ACACA: variants seen among roughly 807,000 people sequenced by gnomAD.
The protein encoded by ACACA is acetyl-CoA carboxylase 1.
Under a neutral mutation model 296.1 loss-of-function variants are expected in ACACA, and 103 were observed. That is an observed-to-expected ratio of 0.35 (90% CI 0.30 to 0.41). The LOEUF is 0.41. Ranked by LOEUF, ACACA falls within the 10% of genes least tolerant of loss-of-function variation. The pLI is 1.00. For missense variants in ACACA, 1,554 were observed against 2,989.7 expected (o/e 0.52, Z 11.20); for synonymous variants, 953 against 1,038.6 (o/e 0.92, Z 1.58).
Position 37,162,026 on chromosome 17 carries a change from T to G in ACACA, c.5104A>C (p.Thr1702Pro). 6 of 1,614,164 alleles carry G rather than the reference T, an allele frequency of 3.7e-6. No individual in the cohort carries two copies. Among genetic ancestry groups the G allele is most frequent in the Non-Finnish European group, 5.1e-6 (6 of 1,180,018 alleles). The change falls in exon 42 of 56, where the codon ACC (threonine) becomes CCC (proline). Residue 1702 changes from threonine (T) to proline (P), a missense_variant. Thr to Pro is a conservative substitution (Grantham distance 38, BLOSUM62 -1). This residue lies in a region of ACACA where 553 missense variants were observed against 1,043.6 expected (regional missense o/e 0.53). Transcript: ENST00000616317. ...NEIGMVAWKM[T>P]FKSPEYPEGR... Reference sequence around the variant, plus strand: ...TCTGGATATTCAGGACTTTTAAAGGTCATTTTCCAAGCTACCATGCCAATC... The same window carrying G: ...TCTGGATATTCAGGACTTTTAAAGGGCATTTTCCAAGCTACCATGCCAATC...
chr17:37,358,475 GGC>G (rs1268643507), intron 1 of ACACA, among the ~76,000 whole-genome samples: 152 of 152,304 alleles, frequency 1.0e-3, no homozygotes, highest in African/African-American at 3.5e-3. Flanking sequence ...GCCTGGCCCT[GGC>G]TCTCGCCACG....
intron 3 of ACACA, among the ~76,000 whole-genome samples, chr17:37,293,684 G>A (rs1275239012): frequency 1.3e-5 from 2 of 151,794 alleles, no homozygotes; most frequent in African/African-American, 4.8e-5. Flanking sequence ...TGGGATTACA[G>A]GCACACACCA....
At chr17:37,122,809 A>G (rs1352636248) in intron 48 of ACACA, 182 bp from the exon 49 acceptor site, 1 of 679,710 alleles carries the variant, frequency 1.5e-6, no homozygotes, top group Non-Finnish European at 2.7e-6. Context: ...TACTCTCTAA[A>G]TATGGTGGGA....
rs1477057198 is a variant in ACACA, at chr17:37,087,078, C to A, written c.*238G>T. 4.9e-6 allele frequency: 3 copies of A among 613,274 alleles called. No homozygotes were observed. The highest frequency in any genetic ancestry group is 8.7e-6 in the Non-Finnish European group (3 of 344,112). 38.0% of individuals were successfully genotyped at this position (613,274 alleles called of 1,614,324 possible). A position where few individuals can be genotyped will look rare whatever the true frequency, so the allele number is the denominator to read the frequency against. ...TCAGTCCTGTGCAGGGAGTGGAGGACTAGGCCTGGCCAGGGTAATAAATAC... is the reference window on the plus strand; with the variant it reads ...TCAGTCCTGTGCAGGGAGTGGAGGAATAGGCCTGGCCAGGGTAATAAATAC... On this transcript the variant is annotated 3_prime_UTR_variant, in exon 56 of 56. Transcript: ENST00000616317.
intron 3 of ACACA, among the ~76,000 whole-genome samples, chr17:37,298,740 A>C (rs898249145): frequency 6.6e-6 from 1 of 152,080 alleles, no homozygotes; most frequent in Non-Finnish European, 1.5e-5. Context: ...AGAAGGCCTG[A>C]CTCATTTCCT....
At chr17:37,321,357 G>A (rs1309199595) in intron 3 of ACACA, among the ~76,000 whole-genome samples, 4 of 152,156 alleles carry the variant, frequency 2.6e-5, no homozygotes, top group Non-Finnish European at 5.9e-5. Context: ...GGGCGTGGTG[G>A]CTCACACCTG....
At chr17:37,390,366 C>T (rs1237211784) in intron 1 of ACACA, among the ~76,000 whole-genome samples, 3 of 109,504 alleles carry the variant, frequency 2.7e-5, no homozygotes, top group Non-Finnish European at 5.2e-5. Flanking sequence ...CGGTGGCTCA[C>T]GCCTGTAATC....
At chr17:37,359,677 C>T (rs1034845103) in intron 1 of ACACA, among the ~76,000 whole-genome samples, 2 of 152,054 alleles carry the variant, frequency 1.3e-5, no homozygotes, top group African/African-American at 4.8e-5. Flanking sequence ...AGGCGGTGTG[C>T]GGGCCCGTTT....
intron 44 of ACACA, among the ~76,000 whole-genome samples, chr17:37,150,985 G>A (rs1212341467): frequency 6.6e-6 from 1 of 151,902 alleles, no homozygotes; most frequent in Non-Finnish European, 1.5e-5. Flanking sequence ...ACGGGAGGCG[G>A]AGGTTGCAGT....
intron 35 of ACACA, among the ~76,000 whole-genome samples, chr17:37,194,155 C>T (rs1171562832): frequency 2.0e-5 from 3 of 151,918 alleles, no homozygotes; most frequent in South Asian, 2.1e-4. Context: ...CCCTGTTTCT[C>T]GGATGGGAAG....
At chr17:37,268,029 T>C (rs996897556) in intron 10 of ACACA, among the ~76,000 whole-genome samples, 1 of 152,220 alleles carries the variant, frequency 6.6e-6, no homozygotes, top group Non-Finnish European at 1.5e-5. Context: ...TTTTCAGTTC[T>C]AGAACTTTTG....
At chr17:37,280,633 T>C (rs1252450027) in intron 5 of ACACA, among the ~76,000 whole-genome samples, 3 of 152,050 alleles carry the variant, frequency 2.0e-5, no homozygotes, top group African/African-American at 7.2e-5. Context: ...GTTAAGAATA[T>C]AGATGAAACT....
In ACACA at chr17:37,096,990, A is replaced by C; in HGVS notation, c.6891+6T>G. On this transcript the variant is annotated splice_donor_region_variant and intron_variant, in intron 54 of 55. Coordinates refer to ENST00000616317, the MANE Select transcript of ACACA (RefSeq NM_198834.3). The stretch of plus-strand genomic sequence containing the variant: ...AAAAAGGCTTCTCTTTGAGTGTCCC[A>C]CCTACCTTCACTGTTCCTTCCACTT... 6.2e-7 allele frequency: 1 copy of C among 1,613,994 alleles called. No homozygotes were observed. The highest frequency in any genetic ancestry group is 8.5e-7 in the Non-Finnish European group (1 of 1,180,024).
intron 50 of ACACA, among the ~76,000 whole-genome samples, chr17:37,115,414 A>G (rs1463576624): frequency 6.6e-6 from 1 of 152,206 alleles, no homozygotes; most frequent in Non-Finnish European, 1.5e-5. Context: ...GTGTCCCTCA[A>G]TGATATCATA....
rs12939415 is a variant in ACACA, at chr17:37,133,736, T to C, written c.5680-3518A>G. The stretch of plus-strand genomic sequence containing the variant: ...TATTCCTCTTACATTCTACTTACTG[T>C]ATGATACAAACTTTTAATTTATCTG... On this transcript the variant is annotated intron_variant, in intron 45 of 55. Coordinates refer to ENST00000616317, the MANE Select transcript of ACACA (RefSeq NM_198834.3). Among the ~76,000 whole-genome samples, 30 of 152,352 alleles carry C rather than the reference T, an allele frequency of 2.0e-4. No individual in the cohort carries two copies. The Middle Eastern group carries it at 0.01, about 52-fold the overall frequency.
At chr17:37,362,023 G>T (rs2049421926) in intron 1 of ACACA, among the ~76,000 whole-genome samples, 1 of 152,136 alleles carries the variant, frequency 6.6e-6, no homozygotes, top group African/African-American at 2.4e-5. Flanking sequence ...AGGTCATAAG[G>T]GTGGGCCCTA....
At chr17:37,321,783 CA>C (rs1466632755) in intron 3 of ACACA, among the ~76,000 whole-genome samples, 1 of 148,190 alleles carries the variant, frequency 6.7e-6, no homozygotes, top group Non-Finnish European at 1.5e-5. Context: ...AAAAAAAATA[CA>C]AATACAAAAA....
chr17:37,153,496 C>T (rs1288940660), intron 43 of ACACA, among the ~76,000 whole-genome samples: 1 of 152,140 alleles, frequency 6.6e-6, no homozygotes, highest in Non-Finnish European at 1.5e-5. Context: ...CCTGTCTTTG[C>T]AAGCTAGATT....
At chr17:37,172,042 G>C (rs1372196794) in intron 41 of ACACA, among the ~76,000 whole-genome samples, 4 of 152,134 alleles carry the variant, frequency 2.6e-5, no homozygotes. Flanking sequence ...GGTGTCATCT[G>C]TTGCTGTCCT....
Sources: allele counts gnomAD v4.1 joint callset (sites outside exome capture counted in the v4.1 genomes callset), GRCh38; gene constraint gnomAD v4.1.1; regional missense constraint gnomAD v4.1.1; transcripts MANE v1.5; gene names NCBI Gene and HGNC (gene_info 2026-07-23, HGNC 2026-07-21).